EXPH5: variants seen among roughly 807,000 people sequenced by gnomAD.
EXPH5 encodes exophilin 5.
In EXPH5, 42 loss-of-function variants were observed where a neutral mutation model predicts 41.1. The observed-to-expected ratio is 1.02, with a 90% CI of 0.80 to 1.32. The LOEUF (loss-of-function observed/expected upper bound fraction) is 1.32. Ranked by LOEUF, EXPH5 falls within the 40% of genes most tolerant of loss-of-function variation. The pLI, the probability that EXPH5 is intolerant of heterozygous loss-of-function variation, is 0.00. For missense variants in EXPH5, 2,298 were observed against 2,314.5 expected, an observed-to-expected ratio of 0.99 and a Z score of 0.15; for synonymous variants, 798 against 833.5, an observed-to-expected ratio of 0.96 and a Z score of 0.73.
At chr11:108,531,841 C>A (rs1229286585) in intron 3 of EXPH5, among the ~76,000 whole-genome samples, 2 of 152,186 alleles carry the variant, frequency 1.3e-5, no homozygotes, top group African/African-American at 4.8e-5. Flanking sequence ...ACCTAATCAA[C>A]AAATCCTGTT....
intron 3 of EXPH5, among the ~76,000 whole-genome samples, chr11:108,528,492 A>T (rs775489300): frequency 3.2e-4 from 49 of 152,122 alleles, no homozygotes; most frequent in Admixed American, 2.0e-3. Context: ...TGCACTGTTT[A>T]TTCTGTGTCA....
intron 1 of EXPH5, among the ~76,000 whole-genome samples, chr11:108,554,927 C>G (rs560527202): frequency 1.3e-5 from 2 of 152,168 alleles, no homozygotes; most frequent in South Asian, 2.1e-4. Context: ...CCTGTCTCCC[C>G]CCGGCCTCCA....
chr11:108,536,334 C>CGGCTCACCGTACCCTCCACCTCCCA (rs1281179310), intron 3 of EXPH5, among the ~76,000 whole-genome samples: 12 of 151,274 alleles, frequency 7.9e-5, no homozygotes, highest in African/African-American at 2.9e-4. Context: ...TGGAGTGCAG[C>CGGCTCACCGTACCCTCCACCTCCCA]GGCTCACCGT....
intron 1 of EXPH5, among the ~76,000 whole-genome samples, chr11:108,573,174 A>AAGAAAGAAAGAT (rs2094067777): frequency 1.4e-5 from 2 of 146,298 alleles, no homozygotes; most frequent in Non-Finnish European, 3.0e-5. Flanking sequence ...GAAAGAAAGA[A>AAGAAAGAAAGAT]AGAAAGAAAG....
At chr11:108,554,991 G>A (rs1401446902) in intron 1 of EXPH5, among the ~76,000 whole-genome samples, 1 of 152,166 alleles carries the variant, frequency 6.6e-6, no homozygotes, top group East Asian at 1.9e-4. Context: ...AAACTCAAAA[G>A]CATCAGCTAT....
intron 1 of EXPH5, among the ~76,000 whole-genome samples, chr11:108,546,204 G>A (rs2093937433): frequency 1.3e-5 from 2 of 151,988 alleles, no homozygotes; most frequent in African/African-American, 2.4e-5. Flanking sequence ...GTTAGATAAC[G>A]TAGCATTAGG....
At position 108,583,800 on chromosome 11, in the gene EXPH5, T is replaced by TGG. The variant is rs550791842; in HGVS notation, c.119+9617_119+9618insCC. 5.3e-4 allele frequency among the ~76,000 whole-genome samples: 81 copies of TGG among 152,270 alleles called. No individual in the cohort carries two copies. The Middle Eastern group carries it at 0.017, about 32-fold the overall frequency. ...CAATACTCCTATTCAACATCATGCTTGAAGTCCTAGTCAATATTAGGCAAG... is the reference window on the plus strand; with the variant it reads ...CAATACTCCTATTCAACATCATGCTTGGGAAGTCCTAGTCAATATTAGGCAAG... On this transcript the variant is annotated intron_variant, in intron 1 of 5. Transcript: ENST00000265843.
chr11:108,522,598 T>G (rs2093772277), intron 4 of EXPH5, among the ~76,000 whole-genome samples: 1 of 152,164 alleles, frequency 6.6e-6, no homozygotes, highest in Non-Finnish European at 1.5e-5. Context: ...ATTAGTGCAT[T>G]AAATCCTTGT....
chr11:108,586,250 A>G (rs1241300656), intron 1 of EXPH5, among the ~76,000 whole-genome samples: 3 of 152,122 alleles, frequency 2.0e-5, no homozygotes, highest in Non-Finnish European at 4.4e-5. Flanking sequence ...TTGCCTGGCC[A>G]GAATGAATTA....
Position 108,509,992 on chromosome 11 carries a change from A to T in EXPH5, c.5515T>A (p.Phe1839Ile), listed in dbSNP as rs2093666399. ...ALSRLTLGNE[F>I]SVNNGYSRRF... is the part of the protein sequence containing the mutation. Reference sequence around the variant, plus strand: ...CGACTGTACCCATTGTTGACAGAGAATTCATTCCCAAGGGTCAGTCGACTC... The same window carrying T: ...CGACTGTACCCATTGTTGACAGAGATTTCATTCCCAAGGGTCAGTCGACTC... The change falls in exon 6 of 6, where the codon TTC (phenylalanine) becomes ATC (isoleucine). Residue 1839 changes from phenylalanine to isoleucine, a missense_variant. Phe to Ile is a conservative substitution (Grantham distance 21). Transcript: ENST00000265843. The T allele has an allele frequency of 6.2e-7, 1 of 1,613,910 alleles. No individual in the cohort carries two copies. The highest frequency in any genetic ancestry group is 1.1e-5 in the South Asian group (1 of 90,992).
chr11:108,587,814 G>A (rs1013937787), intron 1 of EXPH5, among the ~76,000 whole-genome samples: 2 of 152,050 alleles, frequency 1.3e-5, no homozygotes, highest in Non-Finnish European at 2.9e-5. Flanking sequence ...GTACAATGGC[G>A]CGGTCTCGGC....
chr11:108,534,362 T>A (rs1055767589), intron 3 of EXPH5, among the ~76,000 whole-genome samples: 5 of 152,204 alleles, frequency 3.3e-5, no homozygotes, highest in Non-Finnish European at 7.3e-5. Flanking sequence ...GGTTCCCCAC[T>A]GTCTACAGGA....
In EXPH5 at chr11:108,514,738, C is replaced by A. The variant is rs759101584; in HGVS notation, c.769G>T (p.Glu257Ter). 6.2e-7 allele frequency: 1 copy of A among 1,611,292 alleles called. No homozygotes were observed. The highest frequency in any genetic ancestry group is 1.1e-5 in the South Asian group (1 of 90,306). The change falls in exon 6 of 6, where the codon GAA (glutamate) becomes TAA (stop). Residue 257 changes from glutamate to a stop codon, truncating the protein, a stop_gained. Transcript: ENST00000265843. LOFTEE classifies it low-confidence loss of function (END_TRUNC). ...SSGNRHGNIT[E>*]RHKKHYNETS... Reference sequence around the variant, plus strand: ...TCATTATAGTGTTTTTTGTGCCTTTCTGTGATATTACCATGTCTGTTACCA... The same window carrying A: ...TCATTATAGTGTTTTTTGTGCCTTTATGTGATATTACCATGTCTGTTACCA...
chr11:108,520,829 A>T (rs994256806), intron 4 of EXPH5, among the ~76,000 whole-genome samples: 1 of 152,114 alleles, frequency 6.6e-6, no homozygotes, highest in Non-Finnish European at 1.5e-5. Context: ...TCAGCCCCCC[A>T]AAGTGCTGGG....
At chr11:108,582,899 T>C (rs1200720792) in intron 1 of EXPH5, among the ~76,000 whole-genome samples, 1 of 152,200 alleles carries the variant, frequency 6.6e-6, no homozygotes, top group Admixed American at 6.5e-5. Flanking sequence ...AGGACATCAT[T>C]AATATTAGAA....
In EXPH5 at chr11:108,532,707, C is replaced by T. The variant is rs145518529; in HGVS notation, c.444-4523G>A. On this transcript the variant is annotated intron_variant, in intron 3 of 5. Transcript: ENST00000265843. Reference sequence around the variant, plus strand: ...CCTTCACTCAGACCATCCTCTCTGCCGATGAAAGCCCAGCCTGCCATAGAA... The same window carrying T: ...CCTTCACTCAGACCATCCTCTCTGCTGATGAAAGCCCAGCCTGCCATAGAA... Among the ~76,000 whole-genome samples the T allele has an allele frequency of 1.4e-3, 216 of 152,184 alleles. 1 individual carries two copies. Among genetic ancestry groups the T allele is most frequent in the Admixed American group, 4.6e-3 (71 of 15,290 alleles).
At chr11:108,587,160 A>G (rs1351029692) in intron 1 of EXPH5, among the ~76,000 whole-genome samples, 3 of 152,190 alleles carry the variant, frequency 2.0e-5, no homozygotes, top group Non-Finnish European at 4.4e-5. Flanking sequence ...TTTAGGGTAC[A>G]TGTGCACAAT....
At position 108,536,733 on chromosome 11, in the gene EXPH5, G is replaced by T. The variant is rs1291172698; in HGVS notation, c.443+2291C>A. Among the ~76,000 whole-genome samples the T allele has an allele frequency of 5.9e-5, 9 of 152,174 alleles. No individual in the cohort carries two copies. The South Asian group carries it at 1.4e-3, about 25-fold the overall frequency. ...TGAAGTCCATGTTCTTCTGGGGAGG[G>T]TTACCTATTATCCAGTGCATTTCTC... On this transcript the variant is annotated intron_variant, in intron 3 of 5. Coordinates refer to ENST00000265843, the MANE Select transcript of EXPH5 (RefSeq NM_015065.3).
chr11:108,580,993 G>C (rs2094096233), intron 1 of EXPH5, among the ~76,000 whole-genome samples: 2 of 152,126 alleles, frequency 1.3e-5, no homozygotes, highest in South Asian at 4.1e-4. Flanking sequence ...CAGCACTGTG[G>C]GATGACTATA....
Sources: allele counts gnomAD v4.1 joint callset (sites outside exome capture counted in the v4.1 genomes callset), GRCh38; gene constraint gnomAD v4.1.1; transcripts MANE v1.5; gene names NCBI Gene and HGNC (gene_info 2026-07-23, HGNC 2026-07-21).